Variants in POU3F3 observed in about 807,000 individuals in gnomAD.
The protein encoded by POU3F3 is POU class 3 homeobox 3.
A neutral mutation model predicts 8.6 loss-of-function variants in POU3F3; 1 was observed. That is an observed-to-expected ratio of 0.12 (90% confidence interval 0.04 to 0.55). The LOEUF is 0.55. Ranked by LOEUF, POU3F3 falls within the 20% of genes least tolerant of loss-of-function variation. The probability of loss-of-function intolerance (pLI) is 0.91; values close to 1 mark genes in which losing one functional copy is unlikely to be tolerated. For synonymous variants in POU3F3, 418 were observed against 327.4 expected (o/e 1.28, Z -2.99); for missense variants, 577 against 690.7 (o/e 0.84, Z 1.84).
chr2:104,894,318 T>C, the POU3F3 span, among the ~76,000 whole-genome samples: 3,391 of 152,362 alleles, frequency 0.022, 49 homozygotes, highest in Non-Finnish European at 0.037. Context: ...AGTCTGACTT[T>C]AAAAACTGCT....
the POU3F3 span, among the ~76,000 whole-genome samples, chr2:104,915,403 C>T: frequency 1.7e-4 from 26 of 152,150 alleles, no homozygotes; most frequent in Admixed American, 1.5e-3. Context: ...TGCTATTTGT[C>T]TCCTGCCCCG....
the POU3F3 span, among the ~76,000 whole-genome samples, chr2:104,904,853 C>T: frequency 3.3e-5 from 5 of 152,010 alleles, no homozygotes; most frequent in African/African-American, 1.2e-4. Context: ...GGATGAGAAC[C>T]AGGCAGATGA....
the POU3F3 span, among the ~76,000 whole-genome samples, chr2:104,926,286 T>C: frequency 1.3e-5 from 2 of 151,910 alleles, no homozygotes; most frequent in Non-Finnish European, 2.9e-5. Flanking sequence ...CATCAAAAAG[T>C]GGGTGAAGGA....
chr2:104,924,970 G>T, the POU3F3 span, among the ~76,000 whole-genome samples: 1 of 152,152 alleles, frequency 6.6e-6, no homozygotes, highest in African/African-American at 2.4e-5. Flanking sequence ...TTATAGACAT[G>T]GCAATTTTTA....
rs1280905764 is a variant in POU3F3 at position 104,857,055 on chromosome 2, T to G, written c.*42T>G. The G allele has an allele frequency of 3.7e-6, 5 of 1,368,270 alleles. No individual in the cohort carries two copies. Among genetic ancestry groups the G allele is most frequent in the East Asian group, 2.9e-5 (1 of 34,932 alleles). 84.8% of individuals were successfully genotyped at this position (1,368,270 alleles called of 1,614,324 possible). ...GAAGAGGGCCGCCGCCGCCGCCGCCTCCGCAGCCGCCGTCAGCACCGCCGC... is the reference window on the plus strand; with the variant it reads ...GAAGAGGGCCGCCGCCGCCGCCGCCGCCGCAGCCGCCGTCAGCACCGCCGC... On this transcript the variant is annotated 3_prime_UTR_variant, in exon 1 of 1. Transcript: ENST00000361360.
chr2:104,916,578 T>C, the POU3F3 span, among the ~76,000 whole-genome samples: 1 of 152,184 alleles, frequency 6.6e-6, no homozygotes, highest in African/African-American at 2.4e-5. Flanking sequence ...GACATGGTGT[T>C]TGACGTCCCC....
the POU3F3 span, among the ~76,000 whole-genome samples, chr2:104,878,890 C>T: frequency 6.6e-6 from 1 of 151,912 alleles, no homozygotes; most frequent in Non-Finnish European, 1.5e-5. Flanking sequence ...CACACAAATG[C>T]AACACACACA....
At chr2:104,913,222 C>A in the POU3F3 span, among the ~76,000 whole-genome samples, 1 of 151,680 alleles carries the variant, frequency 6.6e-6, no homozygotes, top group Non-Finnish European at 1.5e-5. Flanking sequence ...GATTCCCTGG[C>A]TGGCTTCTTG....
the POU3F3 span, among the ~76,000 whole-genome samples, chr2:104,871,850 A>G: frequency 6.6e-6 from 1 of 152,210 alleles, no homozygotes; most frequent in Non-Finnish European, 1.5e-5. Context: ...GAACGCAGAA[A>G]GAACTCAACA....
chr2:104,892,961 G>C, the POU3F3 span, among the ~76,000 whole-genome samples: 2 of 152,076 alleles, frequency 1.3e-5, no homozygotes, highest in African/African-American at 4.8e-5. Context: ...TGTACAATTC[G>C]ACTCAGGGGT....
At chr2:104,899,742 A>T in the POU3F3 span, among the ~76,000 whole-genome samples, 3 of 152,228 alleles carry the variant, frequency 2.0e-5, no homozygotes, top group Non-Finnish European at 2.9e-5. Flanking sequence ...CTCAATTTCC[A>T]CACAGGAGAG....
downstream of POU3F3, chr2:104,858,694 G>C (rs1375871077): frequency 6.6e-6 from 1 of 152,178 alleles, no homozygotes; most frequent in Non-Finnish European, 1.5e-5. Flanking sequence ...CTCCACTTAA[G>C]GTACTTTTGG....
chr2:104,911,009 T>C, the POU3F3 span, among the ~76,000 whole-genome samples: 5 of 152,290 alleles, frequency 3.3e-5, no homozygotes, highest in South Asian at 1.0e-3. Flanking sequence ...AAGTAGGTCA[T>C]ATACATATGG....
chr2:104,926,964 G>A, the POU3F3 span, among the ~76,000 whole-genome samples: 1 of 152,156 alleles, frequency 6.6e-6, no homozygotes, highest in Non-Finnish European at 1.5e-5. Flanking sequence ...GGGGGTGAGG[G>A]GCTAGGGGAG....
the POU3F3 span, among the ~76,000 whole-genome samples, chr2:104,878,792 T>C: frequency 6.6e-6 from 1 of 152,170 alleles, no homozygotes; most frequent in Non-Finnish European, 1.5e-5. Context: ...AGATTGGAGC[T>C]CTGTGCTCTG....
Position 104,855,467 on chromosome 2 carries a change from C to CGGCGGCGGTGGT in POU3F3, c.-32_-21dup. On this transcript the variant is annotated 5_prime_UTR_variant, in exon 1 of 1. Coordinates refer to ENST00000361360, the MANE Select transcript of POU3F3 (RefSeq NM_006236.3). ...GCGGCCGCGGCTGCTGCTGCGGCGG[C>CGGCGGCGGTGGT]GGCGGCGGTGGTGGCGGCGGTGGGG... is the stretch of plus-strand genomic sequence containing the variant. 1 of 912,166 alleles carries CGGCGGCGGTGGT rather than the reference C, an allele frequency of 1.1e-6. No homozygotes were observed. Among genetic ancestry groups the CGGCGGCGGTGGT allele is most frequent in the Non-Finnish European group, 1.3e-6 (1 of 777,304 alleles). 56.5% of individuals were successfully genotyped at this position (912,166 alleles called of 1,614,324 possible).
chr2:104,923,987 G>A, the POU3F3 span, among the ~76,000 whole-genome samples: 1 of 152,100 alleles, frequency 6.6e-6, no homozygotes, highest in Non-Finnish European at 1.5e-5. Flanking sequence ...GCCAGTGGTT[G>A]GGGAGAGAGA....
chr2:104,859,586 T>TA (rs1676632158), downstream of POU3F3, among the ~76,000 whole-genome samples: 1 of 152,158 alleles, frequency 6.6e-6, no homozygotes, highest in Non-Finnish European at 1.5e-5. Flanking sequence ...ATGCAGGGGT[T>TA]AAAAAACCCG....
At chr2:104,923,369 T>C in the POU3F3 span, among the ~76,000 whole-genome samples, 1 of 152,202 alleles carries the variant, frequency 6.6e-6, no homozygotes, top group African/African-American at 2.4e-5. Flanking sequence ...ACATGTAAGT[T>C]TGTAACACCA....
Sources: allele counts gnomAD v4.1 joint callset (sites outside exome capture counted in the v4.1 genomes callset), GRCh38; gene constraint gnomAD v4.1.1; transcripts MANE v1.5; gene names NCBI Gene and HGNC (gene_info 2026-07-23, HGNC 2026-07-21).